The following ZNF708 variants were observed in gnomAD, a reference collection of about 807,000 sequenced individuals.
ZNF708 encodes zinc finger protein 708.
A neutral mutation model predicts 47.0 loss-of-function variants in ZNF708; 44 were observed. That is an observed-to-expected ratio of 0.94 (90% confidence interval 0.74 to 1.20). ZNF708 has a LOEUF of 1.20. Among genes scored for constraint, ZNF708 ranks in the 50% most tolerant of loss-of-function variants. The probability of loss-of-function intolerance (pLI) is 0.00; values close to 1 mark genes in which losing one functional copy is unlikely to be tolerated. For synonymous variants in ZNF708, 184 were observed against 218.5 expected (o/e 0.84, Z 1.39); for missense variants, 557 against 656.0 (o/e 0.85, Z 1.65).
At chr19:21,305,006 T>C (rs1458943756) in intron 3 of ZNF708, among the ~76,000 whole-genome samples, 1 of 152,048 alleles carries the variant, frequency 6.6e-6, no homozygotes, top group African/African-American at 2.4e-5. Context: ...AAACACACTC[T>C]TCAACAGATT....
chr19:21,295,655 G>T (rs866739858), intron 3 of ZNF708, among the ~76,000 whole-genome samples: 2 of 152,126 alleles, frequency 1.3e-5, no homozygotes, highest in Non-Finnish European at 2.9e-5. Context: ...TGAGGCAGGA[G>T]AATCGCTTGA....
chr19:21,297,727 G>C (rs969975263), intron 3 of ZNF708, among the ~76,000 whole-genome samples: 1 of 151,002 alleles, frequency 6.6e-6, no homozygotes, highest in African/African-American at 2.4e-5. Flanking sequence ...TTGCCTTTTT[G>C]CAAGTCAGTT....
chr19:21,317,525 T>C (rs1179993515), intron 1 of ZNF708, among the ~76,000 whole-genome samples: 1 of 152,184 alleles, frequency 6.6e-6, no homozygotes, highest in African/African-American at 2.4e-5. Context: ...CCTTATATAT[T>C]TATATCACGT....
In ZNF708 at chr19:21,291,846, CAGAG is replaced by C. The variant is rs1161558508; in HGVS notation, c.*1424_*1427del. 4 of 151,972 alleles carry C rather than the reference CAGAG, an allele frequency of 2.6e-5. No individual in the cohort carries two copies. Among genetic ancestry groups the C allele is most frequent in the African/African-American group, 2.4e-5 (1 of 41,374 alleles). The allele number at this position is 151,972 out of a possible 1,614,324, so 9.4% of individuals were successfully genotyped here. On this transcript the variant is annotated 3_prime_UTR_variant, in exon 4 of 4. Transcript: ENST00000356929. ...TGCCACTGCACTCCAGCCTGGACGA[CAGAG>C]AGAGACTCTGTCTCAAGGAAAACAA...
Position 21,312,745 on chromosome 19 carries a change from G to A in ZNF708, c.4-2118C>T, listed in dbSNP as rs571259356. Among the ~76,000 whole-genome samples, 15 of 147,542 alleles carry A rather than the reference G, an allele frequency of 1.0e-4. No individual in the cohort carries two copies. In the South Asian group the frequency reaches 1.7e-3, roughly 17 times the overall value. On this transcript the variant is annotated intron_variant, in intron 1 of 3. Transcript: ENST00000356929. The stretch of plus-strand genomic sequence containing the variant: ...CTGTCAATGTTAATGTTGCTCCCCC[G>A]GGCTCATTATTAGCAGTAGTTAGAG...
intron 3 of ZNF708, among the ~76,000 whole-genome samples, chr19:21,301,194 G>A (rs1300127101): frequency 6.6e-6 from 1 of 152,008 alleles, no homozygotes. Context: ...AACAACCTGA[G>A]AGCCAGGCAC....
chr19:21,319,462 T>A (rs879149811), intron 1 of ZNF708, among the ~76,000 whole-genome samples: 1 of 151,446 alleles, frequency 6.6e-6, no homozygotes, highest in Admixed American at 6.6e-5. Flanking sequence ...TTTTTTTTTT[T>A]AATTTTTTGA....
At chr19:21,309,108 T>C in intron 3 of ZNF708, 138 bp downstream of exon 3, 2 of 730,274 alleles carry the variant, frequency 2.7e-6, no homozygotes, top group Non-Finnish European at 4.3e-6. Context: ...AAGACGCCCC[T>C]ATATTAAAGT....
At chr19:21,318,820 C>T (rs1568354225) in intron 1 of ZNF708, 1 of 152,116 alleles carries the variant, frequency 6.6e-6, no homozygotes, top group Non-Finnish European at 1.5e-5. Context: ...GACCACATCA[C>T]CTGTCTATTT....
chr19:21,307,255 G>C (rs1972802537), intron 3 of ZNF708, among the ~76,000 whole-genome samples: 1 of 151,994 alleles, frequency 6.6e-6, no homozygotes, highest in African/African-American at 2.4e-5. Flanking sequence ...CCCCAGCACA[G>C]AAACTGCAGG....
rs755926720 is a variant in ZNF708, at chr19:21,293,994, A to T, written c.972T>A (p.Thr324=). ...GKAFTLSSHL[T]THKRIHTGEK... ...CACCAGTATGAATCCTCTTATGTGT[A>T]GTAAGGTGTGAAGATAGGGTAAAGG... The change falls in exon 4 of 4, where the codon ACT becomes ACA. Residue 324 remains threonine (T), a synonymous_variant. Transcript: ENST00000356929. The T allele has an allele frequency of 4.3e-6, 7 of 1,612,780 alleles. No homozygotes were observed. Among genetic ancestry groups the T allele is most frequent in the Non-Finnish European group, 5.9e-6 (7 of 1,179,312 alleles).
intron 3 of ZNF708, among the ~76,000 whole-genome samples, chr19:21,300,237 C>T (rs926052028): frequency 4.1e-5 from 6 of 147,866 alleles, no homozygotes; most frequent in Non-Finnish European, 6.0e-5. Flanking sequence ...ATGCTGGGCA[C>T]GGTGGCTCAC....
In ZNF708 at chr19:21,293,385, A is replaced by G. The variant is rs1972436400; in HGVS notation, c.1581T>C (p.Thr527=). Residue 527 remains threonine (T), a synonymous_variant, in exon 4 of 4, where the codon ACT becomes ACC. Coordinates refer to ENST00000356929, the MANE Select transcript of ZNF708 (RefSeq NM_021269.3). ...CTTCACATTTGTAGGGTTTCTCTCCAGTATGAATTATCTTATGTTTCATAA... is the reference window on the plus strand; with the variant it reads ...CTTCACATTTGTAGGGTTTCTCTCCGGTATGAATTATCTTATGTTTCATAA... ...STLMKHKIIH[T]GEKPYKCEEC... is the part of the protein sequence containing the mutation. 1.2e-6 allele frequency: 2 copies of G among 1,613,584 alleles called. No homozygotes were observed. Among genetic ancestry groups the G allele is most frequent in the East Asian group, 4.5e-5 (2 of 44,818 alleles).
intron 1 of ZNF708, among the ~76,000 whole-genome samples, chr19:21,313,050 G>T (rs1186038639): frequency 6.6e-6 from 1 of 151,398 alleles, no homozygotes; most frequent in African/African-American, 2.4e-5. Context: ...TAGGAGGCAG[G>T]TGGATCACTT....
intron 3 of ZNF708, 53 bp downstream of exon 3, chr19:21,309,192 CT>C: frequency 6.8e-7 from 1 of 1,468,410 alleles, no homozygotes; most frequent in Non-Finnish European, 9.2e-7. Flanking sequence ...CTGGTTTTCT[CT>C]TTTACCTTTG....
intron 1 of ZNF708, among the ~76,000 whole-genome samples, chr19:21,321,833 G>A (rs1973151224): frequency 6.6e-6 from 1 of 151,062 alleles, no homozygotes; most frequent in African/African-American, 2.4e-5. Context: ...TTCATGACAC[G>A]ATTTTACCTA....
intron 3 of ZNF708, among the ~76,000 whole-genome samples, chr19:21,305,615 C>G (rs958405778): frequency 6.6e-6 from 1 of 151,788 alleles, no homozygotes; most frequent in Non-Finnish European, 1.5e-5. Context: ...CCCGCCACCA[C>G]GCCCAGCTAA....
chr19:21,321,720 G>A (rs112897185), intron 1 of ZNF708, among the ~76,000 whole-genome samples: 21,199 of 143,576 alleles, frequency 0.15, 1,978 homozygotes, highest in Non-Finnish European at 0.22. Context: ...AGGAAGGAAG[G>A]AAGAAAGAAA....
intron 3 of ZNF708, among the ~76,000 whole-genome samples, chr19:21,304,107 C>T (rs1972713490): frequency 6.6e-6 from 1 of 152,056 alleles, no homozygotes; most frequent in African/African-American, 2.4e-5. Context: ...TTATTTGGCT[C>T]ACAGTTCAGC....
Sources: gnomAD v4.1 joint callset for allele counts (sites outside exome capture counted in the v4.1 genomes callset) on GRCh38, gnomAD v4.1.1 for gene constraint, MANE v1.5 for transcripts, NCBI Gene and HGNC (gene_info 2026-07-23, HGNC 2026-07-21) for gene names.